C9: variants seen among roughly 807,000 people sequenced by gnomAD.
The protein encoded by C9 is complement C9.
A neutral mutation model predicts 65.4 loss-of-function variants in C9; 63 were observed. The observed-to-expected ratio is 0.96, with a 90% confidence interval of 0.79 to 1.19. The LOEUF is 1.19. C9 is among the 50% of genes most tolerant of loss of function. The pLI is 0.00. For synonymous variants in C9, 229 were observed against 227.9 expected (o/e 1.00, Z -0.04); for missense variants, 744 against 670.1 (o/e 1.11, Z -1.22).
intron 4 of C9, among the ~76,000 whole-genome samples, chr5:39,335,018 CTT>C (rs1426779684): frequency 1.3e-5 from 2 of 150,432 alleles, no homozygotes; most frequent in African/African-American, 4.9e-5. Flanking sequence ...GAAATAAACA[CTT>C]ATTTTTGTAT....
chr5:39,342,123 A>G lies in C9; in HGVS notation c.151T>C (p.Trp51Arg). 6.2e-7 allele frequency: 1 copy of G among 1,607,090 alleles called. No homozygotes were observed. Among genetic ancestry groups the G allele is most frequent in the Non-Finnish European group, 8.5e-7 (1 of 1,173,540 alleles). ...IDCRMSPWSEWSQCDPCLRQM... is the reference protein window; with the variant it reads ...IDCRMSPWSERSQCDPCLRQM... ...CTGAGACAAGGATCGCATTGTGACC[A>G]TTCACTCCAGGGGCTCATTCTGCAG... Residue 51 changes from tryptophan to arginine, a missense_variant, in exon 2 of 11, where the codon TGG (tryptophan) becomes CGG (arginine). By Grantham distance (101) the Trp-to-Arg change is moderately radical (BLOSUM62 -3). Coordinates refer to ENST00000263408, the MANE Select transcript of C9 (RefSeq NM_001737.5).
chr5:39,287,266 G>A (rs1224668204), intron 10 of C9, among the ~76,000 whole-genome samples: 1 of 151,700 alleles, frequency 6.6e-6, no homozygotes, highest in Non-Finnish European at 1.5e-5. Flanking sequence ...ATTTGTCTAG[G>A]CCAATGTCCA....
At chr5:39,341,495 T>A in intron 3 of C9, 61 bp downstream of exon 3, 1 of 1,585,592 alleles carries the variant, frequency 6.3e-7, no homozygotes, top group South Asian at 1.1e-5. Flanking sequence ...GCTTTTTTTT[T>A]TCTTTTCATT....
intron 3 of C9, 75 bp downstream of exon 3, chr5:39,341,481 A>G (rs1218101011): frequency 6.5e-7 from 1 of 1,546,898 alleles, no homozygotes; most frequent in Admixed American, 1.7e-5. Context: ...GTCCAGAAGC[A>G]TATGCTTTTT....
At chr5:39,333,578 C>CTCTCCGTCTCCCTCTCCG in intron 4 of C9, among the ~76,000 whole-genome samples, 1 of 142,660 alleles carries the variant, frequency 7.0e-6, no homozygotes, top group South Asian at 2.2e-4. Context: ...CTCCCTCTCC[C>CTCTCCGTCTCCCTCTCCG]TCTCCGTCTC....
Position 39,357,956 on chromosome 5 carries a change from T to C in C9, c.77+6432A>G, listed in dbSNP as rs566167299. On this transcript the variant is annotated intron_variant, in intron 1 of 10. Coordinates refer to ENST00000263408, the MANE Select transcript of C9 (RefSeq NM_001737.5). ...CTGTGTACGAAGCCACCTACGAGCA[T>C]GGGGTGGAGAGAGAGAGAGAGAGAT... 1.6e-4 allele frequency among the ~76,000 whole-genome samples: 25 copies of C among 152,204 alleles called. 1 individual carries two copies. Among genetic ancestry groups the C allele is most frequent in the Admixed American group, 1.4e-3 (21 of 15,288 alleles).
intron 10 of C9, among the ~76,000 whole-genome samples, chr5:39,285,665 A>G (rs867807273): frequency 1.4e-4 from 22 of 152,044 alleles, no homozygotes; most frequent in Middle Eastern, 3.4e-3. Flanking sequence ...CTTTTGTTTA[A>G]TTGGCTTAGG....
chr5:39,344,339 A>G (rs979668339), intron 1 of C9, among the ~76,000 whole-genome samples: 4 of 152,246 alleles, frequency 2.6e-5, no homozygotes, highest in Admixed American at 1.3e-4. Context: ...GACCTGATGG[A>G]GCTGAAAACC....
In C9 at chr5:39,318,535, A is replaced by G. The variant is rs1753612694; in HGVS notation, c.616-2506T>C. ...TTACTATTTTGAGGTATATTCCTTC[A>G]ACACTAAAATTTCAATTAGAACTTT... On this transcript the variant is annotated intron_variant, in intron 5 of 10. Coordinates refer to ENST00000263408, the MANE Select transcript of C9 (RefSeq NM_001737.5). 4.6e-5 allele frequency among the ~76,000 whole-genome samples: 7 copies of G among 151,342 alleles called. No individual in the cohort carries two copies. The South Asian group carries it at 1.5e-3, about 31-fold the overall frequency.
chr5:39,285,075 G>A lies in C9; in HGVS notation c.*124C>T. The A allele has an allele frequency of 1.2e-6, 1 of 816,902 alleles. No individual in the cohort carries two copies. The allele number at this position is 816,902 out of a possible 1,614,324, so 50.6% of individuals were successfully genotyped here. A position where few individuals can be genotyped will look rare whatever the true frequency, so the allele number is the denominator to read the frequency against. ...TAGACCTAAGAGAGAAGAGACTTCA[G>A]AGGTTGGTAGGATTTTCATGAAGCA... On this transcript the variant is annotated 3_prime_UTR_variant, in exon 11 of 11. Coordinates refer to ENST00000263408, the MANE Select transcript of C9 (RefSeq NM_001737.5).
chr5:39,314,390 G>A (rs576063057), intron 6 of C9, among the ~76,000 whole-genome samples: 1 of 151,882 alleles, frequency 6.6e-6, no homozygotes, highest in African/African-American at 2.4e-5. Context: ...CGGAAGTTGT[G>A]GTGGGCCAAG....
chr5:39,346,583 A>C (rs1754198825), intron 1 of C9, among the ~76,000 whole-genome samples: 1 of 152,210 alleles, frequency 6.6e-6, no homozygotes, highest in African/African-American at 2.4e-5. Flanking sequence ...GCTGAATTCT[A>C]CCAGAGGTAC....
intron 5 of C9, among the ~76,000 whole-genome samples, chr5:39,319,079 A>G (rs1237607598): frequency 6.6e-6 from 1 of 151,988 alleles, no homozygotes; most frequent in Non-Finnish European, 1.5e-5. Context: ...GACATCACAC[A>G]CACTCCCTTT....
At chr5:39,359,450 G>A (rs1032602427) in intron 1 of C9, among the ~76,000 whole-genome samples, 6 of 151,886 alleles carry the variant, frequency 4.0e-5, no homozygotes, top group East Asian at 3.9e-4. Flanking sequence ...TATAAGTGGC[G>A]TTTCACCATA....
At chr5:39,357,073 A>G (rs700221) in intron 1 of C9, among the ~76,000 whole-genome samples, 62,245 of 152,026 alleles carry the variant, frequency 0.41, 12,689 homozygotes, top group Middle Eastern at 0.51. Context: ...TCAAATGAAG[A>G]GTCATTGATA....
chr5:39,334,688 G>A (rs1753927278), intron 4 of C9, among the ~76,000 whole-genome samples: 3 of 150,858 alleles, frequency 2.0e-5, no homozygotes, highest in Admixed American at 2.0e-4. Context: ...AGTCCGGGAG[G>A]GAGGTGGGGC....
chr5:39,307,257 C>T (rs1326307279), intron 8 of C9, among the ~76,000 whole-genome samples: 1 of 152,148 alleles, frequency 6.6e-6, no homozygotes, highest in Non-Finnish European at 1.5e-5. Context: ...TCCTACCCAT[C>T]GTTTCCCTCA....
At chr5:39,289,338 A>G (rs1467770557) in intron 9 of C9, among the ~76,000 whole-genome samples, 5 of 151,888 alleles carry the variant, frequency 3.3e-5, no homozygotes, top group South Asian at 2.1e-4. Flanking sequence ...CTTCTCTTCC[A>G]GAAGGTAACC....
intron 1 of C9, among the ~76,000 whole-genome samples, chr5:39,356,621 C>G (rs930639634): frequency 5.3e-5 from 8 of 152,222 alleles, no homozygotes; most frequent in African/African-American, 1.7e-4. Flanking sequence ...TGCCAGCTAC[C>G]TGGCTCACTG....
Sources: allele counts gnomAD v4.1 joint callset (sites outside exome capture counted in the v4.1 genomes callset), GRCh38; gene constraint gnomAD v4.1.1; transcripts MANE v1.5; gene names NCBI Gene and HGNC (gene_info 2026-07-23, HGNC 2026-07-21).